TTBK2: variants seen among roughly 807,000 people sequenced by gnomAD.
The protein encoded by TTBK2 is tau-tubulin kinase 2.
A neutral mutation model predicts 110.8 loss-of-function variants in TTBK2; 28 were observed. The observed-to-expected ratio is 0.25, with a 90% confidence interval of 0.19 to 0.35. TTBK2 has a LOEUF of 0.35. TTBK2 is among the 10% of genes least tolerant of loss of function. The probability of loss-of-function intolerance (pLI) is 1.00; values close to 1 mark genes in which losing one functional copy is unlikely to be tolerated. For synonymous variants in TTBK2, 532 were observed against 527.3 expected (o/e 1.01, Z -0.12); for missense variants, 1,369 against 1,500.3 (o/e 0.91, Z 1.45).
rs563945029 is a variant in TTBK2 at position 42,787,188 on chromosome 15, T to C, written c.981-3553A>G. On this transcript the variant is annotated intron_variant, in intron 10 of 14. Coordinates refer to ENST00000267890, the MANE Select transcript of TTBK2 (RefSeq NM_173500.4). ...GTCTCGTCTGTTTACACGTTGGCCATGGCAGCTTTTGCACTATAACAGCAA... is the reference window on the plus strand; with the variant it reads ...GTCTCGTCTGTTTACACGTTGGCCACGGCAGCTTTTGCACTATAACAGCAA... Among the ~76,000 whole-genome samples, 4 of 152,318 alleles carry C rather than the reference T, an allele frequency of 2.6e-5. No individual in the cohort carries two copies. The East Asian group carries it at 7.7e-4, about 29-fold the overall frequency.
intron 6 of TTBK2, among the ~76,000 whole-genome samples, chr15:42,825,587 C>T (rs1470799528): frequency 4.6e-5 from 7 of 152,016 alleles, no homozygotes; most frequent in Admixed American, 1.3e-4. Context: ...TGGTGGCGGG[C>T]GCCTGTAGTC....
At chr15:42,834,010 CA>C (rs907037714) in intron 4 of TTBK2, among the ~76,000 whole-genome samples, 11 of 150,336 alleles carry the variant, frequency 7.3e-5, no homozygotes, top group Non-Finnish European at 1.6e-4. Flanking sequence ...GACTCTGTCT[CA>C]AAAAAACAAA....
intron 9 of TTBK2, among the ~76,000 whole-genome samples, chr15:42,803,527 G>A (rs1891314384): frequency 6.6e-6 from 1 of 152,092 alleles, no homozygotes; most frequent in South Asian, 2.1e-4. Context: ...CAAAAGTGCT[G>A]GATGATATCA....
intron 6 of TTBK2, among the ~76,000 whole-genome samples, chr15:42,820,638 A>G (rs1487241559): frequency 2.6e-5 from 4 of 152,192 alleles, no homozygotes; most frequent in Non-Finnish European, 5.9e-5. Context: ...ATGTCTGCCA[A>G]TAGGAGACAC....
At chr15:42,783,384 G>A in intron 11 of TTBK2, 35 bp downstream of exon 11, 1 of 1,599,986 alleles carries the variant, frequency 6.3e-7, no homozygotes, top group Non-Finnish European at 8.6e-7. Context: ...TGAACTGTAA[G>A]AAATAAATTT....
chr15:42,874,710 G>T (rs189155479), intron 2 of TTBK2, among the ~76,000 whole-genome samples: 3 of 151,576 alleles, frequency 2.0e-5, no homozygotes, highest in African/African-American at 7.3e-5. Context: ...AGAAGTGGCC[G>T]GGCGCGGTGG....
At chr15:42,919,957 C>A (rs920706867) in intron 1 of TTBK2, 2 of 286,860 alleles carry the variant, frequency 7.0e-6, no homozygotes, top group Non-Finnish European at 5.2e-6. Context: ...TACTTCAGCA[C>A]CCTAAGTACA....
intron 1 of TTBK2, among the ~76,000 whole-genome samples, chr15:42,885,050 T>C (rs1895188769): frequency 1.3e-5 from 2 of 152,078 alleles, no homozygotes; most frequent in Non-Finnish European, 2.9e-5. Flanking sequence ...CCAAAACCTA[T>C]AAGAACTAAT....
chr15:42,763,157 CATATATATATAT>C (rs1567008803), intron 13 of TTBK2, among the ~76,000 whole-genome samples: 224 of 20,458 alleles, frequency 0.011, 9 homozygotes, highest in African/African-American at 0.041. Context: ...TATATATATA[CATATATATATAT>C]ATATATATAT....
chr15:42,763,105 T>TATATATATATATATAC (rs2062058040), intron 13 of TTBK2, among the ~76,000 whole-genome samples: 1 of 103,288 alleles, frequency 9.7e-6, no homozygotes, highest in African/African-American at 5.1e-5. Context: ...TATATATACG[T>TATATATATATATATAC]ATATATATAT....
chr15:42,794,549 G>C, intron 10 of TTBK2, 95 bp downstream of exon 10: 1 of 1,541,608 alleles, frequency 6.5e-7, no homozygotes, highest in Non-Finnish European at 9.0e-7. Context: ...GGATGTCTTA[G>C]CATTTGGTCA....
intron 4 of TTBK2, among the ~76,000 whole-genome samples, chr15:42,833,721 A>G (rs1022785773): frequency 6.6e-6 from 1 of 152,002 alleles, no homozygotes; most frequent in Non-Finnish European, 1.5e-5. Context: ...AAATATTAAA[A>G]AGTTAGGGCC....
intron 13 of TTBK2, among the ~76,000 whole-genome samples, chr15:42,774,108 A>C (rs1367809104): frequency 6.6e-6 from 1 of 152,172 alleles, no homozygotes; most frequent in Non-Finnish European, 1.5e-5. Flanking sequence ...ATTTCTCAGA[A>C]CTGTACACAA....
intron 12 of TTBK2, 58 bp from the exon 13 acceptor site, chr15:42,775,781 A>G (rs1889892887): frequency 1.5e-6 from 2 of 1,370,272 alleles, no homozygotes; most frequent in Non-Finnish European, 2.0e-6. Flanking sequence ...ATTATATAAT[A>G]TATAAGCTCC....
At chr15:42,771,205 C>A (rs1351331727) in intron 13 of TTBK2, among the ~76,000 whole-genome samples, 1 of 151,830 alleles carries the variant, frequency 6.6e-6, no homozygotes, top group Non-Finnish European at 1.5e-5. Context: ...GAACTCCTGA[C>A]CTCGTGATCC....
chr15:42,752,568 T>G lies in TTBK2; in HGVS notation c.2678A>C (p.Gln893Pro). The G allele has an allele frequency of 6.2e-7, 1 of 1,614,198 alleles. No homozygotes were observed. Among genetic ancestry groups the G allele is most frequent in the Non-Finnish European group, 8.5e-7 (1 of 1,180,046 alleles). The change falls in exon 14 of 15, where the codon CAA (glutamine) becomes CCA (proline). Residue 893 changes from glutamine (Q) to proline (P), a missense_variant. Around this residue, in one of 4 missense-constraint regions of TTBK2, gnomAD observed 1,097 missense variants for 1,114.7 expected, o/e 0.98. Transcript: ENST00000267890. The part of the protein sequence containing the change: ...DIMSEDLPGH[Q>P]GDLSTFLHQE... ...GTGCAAAAAAGTAGAGAGGTCTCCT[T>G]GATGACCTGGCAAGTCTTCACTCAT...
At chr15:42,917,410 G>A (rs1225916069) in intron 1 of TTBK2, among the ~76,000 whole-genome samples, 2 of 152,020 alleles carry the variant, frequency 1.3e-5, no homozygotes, top group Admixed American at 1.3e-4. Flanking sequence ...TTCATATTAT[G>A]TTATAATATA....
chr15:42,850,548 C>G (rs1384416740), intron 3 of TTBK2, among the ~76,000 whole-genome samples: 1 of 152,170 alleles, frequency 6.6e-6, no homozygotes. Context: ...CTTACTCCAT[C>G]TTATCTGGAA....
chr15:42,885,474 C>T (rs1291834411), intron 1 of TTBK2, among the ~76,000 whole-genome samples: 2 of 152,196 alleles, frequency 1.3e-5, no homozygotes, highest in Non-Finnish European at 1.5e-5. Flanking sequence ...ACATTTTATC[C>T]GTGGACCCAA....
Sources: allele counts gnomAD v4.1 joint callset (sites outside exome capture counted in the v4.1 genomes callset), GRCh38; gene constraint gnomAD v4.1.1; regional missense constraint gnomAD v4.1.1; transcripts MANE v1.5; gene names NCBI Gene and HGNC (gene_info 2026-07-23, HGNC 2026-07-21).